The following GRIK5 variants were observed in gnomAD, a reference collection of about 807,000 sequenced individuals.
GRIK5 encodes glutamate receptor ionotropic, kainate 5.
Under a neutral mutation model 97.4 loss-of-function variants are expected in GRIK5, and 43 were observed. The ratio of observed to expected loss-of-function variants is 0.44; its 90% confidence interval spans 0.35 to 0.57. The LOEUF (loss-of-function observed/expected upper bound fraction) is 0.57, where lower values mean the gene tolerates loss of function less well. Among genes scored for constraint, GRIK5 ranks in the 20% least tolerant of loss-of-function variants. GRIK5 has a pLI of 0.01. For missense variants in GRIK5, 1,015 were observed against 1,382.0 expected, an observed-to-expected ratio of 0.73 and a Z score of 4.21; for synonymous variants, 580 against 583.5, an observed-to-expected ratio of 0.99 and a Z score of 0.09.
intron 1 of GRIK5, chr19:42,068,441 GAA>G (rs2146197940): frequency 3.2e-6 from 1 of 311,178 alleles, no homozygotes; most frequent in African/African-American, 2.1e-5. Context: ...GACCAGCCAG[GAA>G]AAGTCAGCAT....
In GRIK5 at chr19:42,000,782, G is replaced by A. The variant is rs542051473; in HGVS notation, c.2515-1483C>T. On this transcript the variant is annotated intron_variant, in intron 19 of 19. Coordinates refer to ENST00000593562, the MANE Select transcript of GRIK5 (RefSeq NM_002088.5). Reference sequence around the variant, plus strand: ...TCCGCCTTGCTCTCTCTGATCACTCGCCCTGGGGGATCTCAGCTGCCATGG... The same window carrying A: ...TCCGCCTTGCTCTCTCTGATCACTCACCCTGGGGGATCTCAGCTGCCATGG... 3.3e-5 allele frequency among the ~76,000 whole-genome samples: 5 copies of A among 152,268 alleles called. No individual in the cohort carries two copies. In the East Asian group the frequency reaches 7.7e-4, roughly 24 times the overall value.
chr19:42,010,134 G>A (rs1555873695), intron 15 of GRIK5, among the ~76,000 whole-genome samples: 1 of 150,796 alleles, frequency 6.6e-6, no homozygotes, highest in East Asian at 1.9e-4. Flanking sequence ...ATAAAGCACA[G>A]AAAGGAAAAA....
intron 6 of GRIK5, 121 bp downstream of exon 6, chr19:42,059,228 G>A (rs936220469): frequency 3.1e-5 from 22 of 721,242 alleles, no homozygotes; most frequent in African/African-American, 1.4e-4. Context: ...TCATCTTCAC[G>A]GAAGAAGAAG....
chr19:42,032,952 T>C (rs973704626), intron 12 of GRIK5, among the ~76,000 whole-genome samples: 2 of 152,174 alleles, frequency 1.3e-5, no homozygotes, highest in East Asian at 3.8e-4. Context: ...CAGCAGCCAG[T>C]GCAATCATTT....
intron 1 of GRIK5, chr19:42,068,759 G>A: frequency 3.8e-6 from 2 of 524,704 alleles, no homozygotes; most frequent in South Asian, 5.1e-5. Flanking sequence ...GTTGGGCAGA[G>A]TCAGAGAGGG....
intron 12 of GRIK5, among the ~76,000 whole-genome samples, chr19:42,033,702 G>GA (rs1396133508): frequency 2.0e-5 from 3 of 151,944 alleles, no homozygotes; most frequent in Non-Finnish European, 2.9e-5. Flanking sequence ...GTAAAAAAGA[G>GA]AAAAAAAATT....
intron 12 of GRIK5, among the ~76,000 whole-genome samples, chr19:42,037,818 C>G (rs191633112): frequency 3.3e-5 from 5 of 152,358 alleles, no homozygotes; most frequent in Admixed American, 1.3e-4. Flanking sequence ...GCTTAAAGGC[C>G]TGGCACCCTT....
At chr19:42,057,739 C>T (rs1252255085) in intron 6 of GRIK5, among the ~76,000 whole-genome samples, 1 of 152,052 alleles carries the variant, frequency 6.6e-6, no homozygotes, top group Non-Finnish European at 1.5e-5. Context: ...TAGGACTCAG[C>T]CTAGGCATAA....
chr19:42,018,394 C>T (rs1343512027), intron 15 of GRIK5, among the ~76,000 whole-genome samples: 1 of 150,940 alleles, frequency 6.6e-6, no homozygotes, highest in Non-Finnish European at 1.5e-5. Flanking sequence ...GTGGCTCACA[C>T]CTGTAATCCC....
At position 41,999,209 on chromosome 19, in the gene GRIK5, C is replaced by A; in HGVS notation, c.2605G>T (p.Gly869Cys). ...SRSRRRRRPG[G>C]PSRALLSLRA... The stretch of plus-strand genomic sequence containing the variant: ...AGTGACAGCAGGGCCCGGCTCGGGC[C>A]GCCCGGGCGTCGGCGCCGGCGGGAA... The change falls in exon 20 of 20, where the codon GGC becomes TGC. Residue 869 changes from glycine to cysteine, a missense_variant. This residue lies in a region of GRIK5 where 229 missense variants were observed against 341.0 expected (regional missense o/e 0.67). Coordinates refer to ENST00000593562, the MANE Select transcript of GRIK5 (RefSeq NM_002088.5). This position sits in a 1 kb window ranked among gnomAD's most constrained non-coding sequence, Gnocchi z 5.0. 1 of 1,518,620 alleles carries A rather than the reference C, an allele frequency of 6.6e-7. No homozygotes were observed. Among genetic ancestry groups the A allele is most frequent in the Non-Finnish European group, 8.8e-7 (1 of 1,140,312 alleles). 94.1% of individuals were successfully genotyped at this position (1,518,620 alleles called of 1,614,324 possible). A position where few individuals can be genotyped will look rare whatever the true frequency, so the allele number is the denominator to read the frequency against.
At chr19:42,068,784 G>T (rs1334046873) in intron 1 of GRIK5, 1 of 575,132 alleles carries the variant, frequency 1.7e-6, no homozygotes, top group Non-Finnish European at 3.1e-6. Flanking sequence ...AAGAGACACA[G>T]GAAATGGGGG....
chr19:42,044,195 TA>T (rs1363756226), intron 11 of GRIK5, among the ~76,000 whole-genome samples: 1 of 152,222 alleles, frequency 6.6e-6, no homozygotes, highest in Non-Finnish European at 1.5e-5. Context: ...GCTATGATTG[TA>T]AATTTCCCAA....
intron 15 of GRIK5, among the ~76,000 whole-genome samples, chr19:42,008,729 G>A (rs1364888101): frequency 6.6e-6 from 1 of 152,004 alleles, no homozygotes; most frequent in African/African-American, 2.4e-5. Flanking sequence ...AGATGATGAC[G>A]GAATTAGCAG....
rs377720748 is a variant in GRIK5 at position 42,054,490 on chromosome 19, C to T, written c.904-18G>A. 32 of 1,593,400 alleles carry T rather than the reference C, an allele frequency of 2.0e-5. No homozygotes were observed. The highest frequency in any genetic ancestry group is 1.1e-4 in the East Asian group (5 of 44,738). On this transcript the variant is annotated intron_variant, in intron 8 of 19. Coordinates refer to ENST00000593562, the MANE Select transcript of GRIK5 (RefSeq NM_002088.5). The stretch of plus-strand genomic sequence containing the variant: ...GCTGACAGCTGCGGTGGGACAGAGG[C>T]GGGGGTGGGATGGATAAGAGGCTGC...
At chr19:42,069,115 T>A (rs1016705132) in intron 1 of GRIK5, 126 bp downstream of exon 1, 1 of 423,304 alleles carries the variant, frequency 2.4e-6, no homozygotes, top group African/African-American at 2.0e-5. Flanking sequence ...AGCAGGCCCC[T>A]AGTGGGGGAG....
chr19:42,065,222 C>CA lies in GRIK5; in HGVS notation c.244_244+1insT (p.Met82IlefsTer18). On this transcript the variant is annotated frameshift_variant and splice_region_variant. Coordinates refer to ENST00000593562, the MANE Select transcript of GRIK5 (RefSeq NM_002088.5). LOFTEE classifies it high-confidence loss of function. The surrounding 1 kb of genome is among the most constrained non-coding windows in gnomAD (Gnocchi z 5.8). ...CCCCACGCCCCCATGGCCCCGCTCA[C>CA]TGGTGTCCGTGGTCTCGTACTGGCT... The CA allele has an allele frequency of 6.2e-7, 1 of 1,608,466 alleles. No homozygotes were observed. Among genetic ancestry groups the CA allele is most frequent in the Non-Finnish European group, 8.5e-7 (1 of 1,176,576 alleles).
At chr19:42,050,933 C>A (rs2076107323) in intron 11 of GRIK5, among the ~76,000 whole-genome samples, 1 of 152,124 alleles carries the variant, frequency 6.6e-6, no homozygotes, top group South Asian at 2.1e-4. Flanking sequence ...CAAGGGCCTT[C>A]TTAGCTCATG....
chr19:42,022,238 T>C lies in GRIK5; in HGVS notation c.1587+3A>G, dbSNP rs950985395. 2.5e-6 allele frequency: 4 copies of C among 1,600,092 alleles called. No individual in the cohort carries two copies. Among genetic ancestry groups the C allele is most frequent in the Non-Finnish European group, 3.4e-6 (4 of 1,167,318 alleles). Reference sequence around the variant, plus strand: ...CAGCCCATGGTCTCCAGGGGAACCATACCATGTGCACTCGGTAGAGGATGC... The same window carrying C: ...CAGCCCATGGTCTCCAGGGGAACCACACCATGTGCACTCGGTAGAGGATGC... On this transcript the variant is annotated splice_donor_region_variant and intron_variant, in intron 13 of 19. Coordinates refer to ENST00000593562, the MANE Select transcript of GRIK5 (RefSeq NM_002088.5). This position sits in a 1 kb window ranked among gnomAD's most constrained non-coding sequence, Gnocchi z 4.2.
In GRIK5 at chr19:42,005,868, T is replaced by A. The variant is rs782554077; in HGVS notation, c.2118A>T (p.Glu706Asp). 1 of 1,611,676 alleles carries A rather than the reference T, an allele frequency of 6.2e-7. No homozygotes were observed. The highest frequency in any genetic ancestry group is 8.5e-7 in the Non-Finnish European group (1 of 1,177,936). ...AGTTGAGGACGCGGGCAATGCCCTC[T>A]TCTGTGCTCTTGACGAACACGCTGG... is the stretch of plus-strand genomic sequence containing the variant. ...KQPSVFVKSTEEGIARVLNSR... is the reference protein window; with the variant it reads ...KQPSVFVKSTDEGIARVLNSR... The change falls in exon 17 of 20, where the codon GAA becomes GAT. Residue 706 changes from glutamate (E) to aspartate (D), a missense_variant. By Grantham distance (45) the Glu-to-Asp change is conservative. Transcript: ENST00000593562.
Sources: gnomAD v4.1 joint callset for allele counts (sites outside exome capture counted in the v4.1 genomes callset) on GRCh38, gnomAD v4.1.1 for gene constraint, gnomAD v4.1.1 regional missense constraint, Gnocchi (gnomAD v3.1) non-coding constraint, MANE v1.5 for transcripts, NCBI Gene and HGNC (gene_info 2026-07-23, HGNC 2026-07-21) for gene names.